The following NAV2 variants were observed in gnomAD, a reference collection of about 807,000 sequenced individuals.
The protein encoded by NAV2 is neuron navigator 2, also known as helicase, APC down-regulated 1.
A neutral mutation model predicts 223.2 loss-of-function variants in NAV2; 54 were observed. The ratio of observed to expected loss-of-function variants is 0.24; its 90% CI spans 0.19 to 0.30. The LOEUF is 0.30. Ranked by LOEUF, NAV2 falls within the 10% of genes least tolerant of loss-of-function variation. NAV2 has a pLI of 1.00. For synonymous variants in NAV2, 1,279 were observed against 1,239.3 expected (o/e 1.03, Z -0.67); for missense variants, 2,806 against 3,147.5 (o/e 0.89, Z 2.60).
chr11:20,033,822 G>A (rs2056051549), intron 11 of NAV2, among the ~76,000 whole-genome samples: 1 of 151,956 alleles, frequency 6.6e-6, no homozygotes, highest in South Asian at 2.1e-4. Flanking sequence ...TTGGGGTTAT[G>A]TGTGTGTGTG....
chr11:19,723,915 T>C (rs2050996776), intron 1 of NAV2, among the ~76,000 whole-genome samples: 1 of 152,216 alleles, frequency 6.6e-6, no homozygotes, highest in Non-Finnish European at 1.5e-5. Context: ...GGGCCACAAG[T>C]GTGCCAGAGC....
chr11:19,485,548 GGGAGACA>G (rs778251238), intron 1 of NAV2, among the ~76,000 whole-genome samples: 17 of 152,160 alleles, frequency 1.1e-4, no homozygotes, highest in South Asian at 1.0e-3. Context: ...CACTCCTTTG[GGGAGACA>G]TAGTCTCCAG....
intron 1 of NAV2, among the ~76,000 whole-genome samples, chr11:19,647,157 A>G (rs888509307): frequency 7.9e-5 from 12 of 152,206 alleles, no homozygotes; most frequent in African/African-American, 2.9e-4. Context: ...TGCCCTCAGC[A>G]CTTAGAAAAC....
intron 1 of NAV2, among the ~76,000 whole-genome samples, chr11:19,377,391 C>T (rs752086461): frequency 6.6e-6 from 1 of 152,212 alleles, no homozygotes; most frequent in Admixed American, 6.5e-5. Context: ...TAGCCTCTAA[C>T]TCCTACCCTG....
chr11:19,729,780 A>G (rs528567072), intron 1 of NAV2, among the ~76,000 whole-genome samples: 8 of 152,280 alleles, frequency 5.3e-5, no homozygotes, highest in African/African-American at 1.9e-4. Flanking sequence ...CCCATGTTCC[A>G]TGATAAAGTC....
Position 20,064,665 on chromosome 11 carries a change from G to A in NAV2, c.4884+2306G>A, listed in dbSNP as rs143994158. Among the ~76,000 whole-genome samples, 189 of 152,304 alleles carry A rather than the reference G, an allele frequency of 1.2e-3. 1 individual carries two copies. The highest frequency in any genetic ancestry group is 4.4e-3 in the African/African-American group (183 of 41,550). The stretch of plus-strand genomic sequence containing the variant: ...CCTTACAGTAAAAGACTCTCCTTCA[G>A]TAGCTGTTGTTCTGGGTATGGGGAC... On this transcript the variant is annotated intron_variant, in intron 20 of 37. Coordinates refer to ENST00000349880, the MANE Select transcript of NAV2 (RefSeq NM_145117.5).
chr11:19,863,329 A>T (rs1435804677), intron 3 of NAV2, among the ~76,000 whole-genome samples: 7 of 152,110 alleles, frequency 4.6e-5, no homozygotes, highest in Non-Finnish European at 1.0e-4. Flanking sequence ...CTTGCCTGCC[A>T]TGCTCCAGCC....
chr11:19,496,532 C>A (rs1642356848), intron 1 of NAV2, among the ~76,000 whole-genome samples: 1 of 152,178 alleles, frequency 6.6e-6, no homozygotes, highest in Non-Finnish European at 1.5e-5. Flanking sequence ...TGGTAGCTGA[C>A]TTCCTCCAAA....
At chr11:19,691,873 C>T (rs2049185097) in intron 1 of NAV2, among the ~76,000 whole-genome samples, 1 of 152,262 alleles carries the variant, frequency 6.6e-6, no homozygotes. Flanking sequence ...CTGGCTGGCA[C>T]TATGGTGTCA....
chr11:19,562,308 AC>A (rs1037456845), intron 1 of NAV2, among the ~76,000 whole-genome samples: 5 of 152,128 alleles, frequency 3.3e-5, no homozygotes, highest in Admixed American at 2.6e-4. Context: ...CTGACCACCA[AC>A]CCTTTGGGGC....
chr11:19,726,090 T>C (rs960212550), intron 1 of NAV2, among the ~76,000 whole-genome samples: 13 of 152,184 alleles, frequency 8.5e-5, no homozygotes, highest in Admixed American at 7.8e-4. Flanking sequence ...GTGCTTATTT[T>C]AGAACTGGAA....
At chr11:19,514,356 C>A (rs1381527553) in intron 1 of NAV2, among the ~76,000 whole-genome samples, 1 of 152,154 alleles carries the variant, frequency 6.6e-6, no homozygotes, top group African/African-American at 2.4e-5. Flanking sequence ...TCACCAGATC[C>A]TCTCAACACA....
chr11:19,551,879 T>TTCTCC (rs1218731040), intron 1 of NAV2, among the ~76,000 whole-genome samples: 9 of 150,682 alleles, frequency 6.0e-5, no homozygotes, highest in Non-Finnish European at 1.2e-4. Context: ...CTTCCCCTCC[T>TTCTCC]TCTCCTCTCC....
intron 8 of NAV2, among the ~76,000 whole-genome samples, chr11:19,941,042 A>G (rs1411925097): frequency 1.3e-5 from 2 of 152,182 alleles, no homozygotes; most frequent in African/African-American, 2.4e-5. Context: ...AGATCCCAGC[A>G]TGGTTCAGAT....
At chr11:19,657,022 C>G (rs2048147121) in intron 1 of NAV2, among the ~76,000 whole-genome samples, 1 of 152,064 alleles carries the variant, frequency 6.6e-6, no homozygotes, top group African/African-American at 2.4e-5. Context: ...CAAGAGTTCT[C>G]CCTTGATTGT....
intron 11 of NAV2, among the ~76,000 whole-genome samples, chr11:20,033,106 A>G (rs1167032004): frequency 6.6e-6 from 1 of 152,200 alleles, no homozygotes; most frequent in Non-Finnish European, 1.5e-5. Context: ...GCAATTAGAC[A>G]TTTGCTTTTT....
intron 1 of NAV2, among the ~76,000 whole-genome samples, chr11:19,720,331 A>G (rs1317839411): frequency 1.3e-5 from 2 of 152,216 alleles, no homozygotes; most frequent in African/African-American, 4.8e-5. Flanking sequence ...AGTGACACAA[A>G]GTTTTTTGCA....
At chr11:19,606,634 C>G (rs1340628297) in intron 1 of NAV2, among the ~76,000 whole-genome samples, 1 of 152,176 alleles carries the variant, frequency 6.6e-6, no homozygotes, top group African/African-American at 2.4e-5. Context: ...CTGTCCTATT[C>G]CCTGTTAATT....
chr11:19,608,699 T>C lies in NAV2; in HGVS notation c.76-223785T>C, dbSNP rs78975925. 5.5e-3 allele frequency among the ~76,000 whole-genome samples: 843 copies of C among 152,358 alleles called. 2 individuals carry two copies. The highest frequency in any genetic ancestry group is 0.019 in the African/African-American group (801 of 41,580). ...ACTCCTGTAAGAAACAGGATTTCCTTCCCTTTCTTTTGGAGCCAGCTCTAT... is the reference window on the plus strand; with the variant it reads ...ACTCCTGTAAGAAACAGGATTTCCTCCCCTTTCTTTTGGAGCCAGCTCTAT... On this transcript the variant is annotated intron_variant, in intron 1 of 37. Transcript: ENST00000360655.
Sources: gnomAD v4.1 joint callset for allele counts (sites outside exome capture counted in the v4.1 genomes callset) on GRCh38, gnomAD v4.1.1 for gene constraint, MANE v1.5 for transcripts, NCBI Gene and HGNC (gene_info 2026-07-23, HGNC 2026-07-21) for gene names.